SEPTIN9: variants seen among roughly 807,000 people sequenced by gnomAD.
SEPTIN9 encodes septin 9.
In SEPTIN9, 13 loss-of-function variants were observed where a neutral mutation model predicts 56.6. The observed-to-expected ratio is 0.23, with a 90% CI of 0.15 to 0.37. The LOEUF is 0.37. Among genes scored for constraint, SEPTIN9 ranks in the 10% least tolerant of loss-of-function variants. The pLI is 1.00. For missense variants in SEPTIN9, 650 were observed against 823.1 expected (o/e 0.79, Z 2.57); for synonymous variants, 332 against 334.1 (o/e 0.99, Z 0.07).
chr17:77,312,569 A>G (rs949309157), intron 2 of SEPTIN9, among the ~76,000 whole-genome samples: 7 of 152,204 alleles, frequency 4.6e-5, no homozygotes, highest in African/African-American at 1.7e-4. Flanking sequence ...TGTGTCCTCC[A>G]TAGCCTCGGA....
chr17:77,363,376 T>G (rs865926126), intron 2 of SEPTIN9, among the ~76,000 whole-genome samples: 2 of 130,552 alleles, frequency 1.5e-5, no homozygotes, highest in Non-Finnish European at 3.2e-5. Context: ...GCCTTGGGCC[T>G]GTCTTTTTTT....
chr17:77,360,463 G>T (rs1180005183), intron 2 of SEPTIN9, among the ~76,000 whole-genome samples: 1 of 152,188 alleles, frequency 6.6e-6, no homozygotes, highest in African/African-American at 2.4e-5. Context: ...ATTTGCCACA[G>T]TGGGTGTGTT....
At chr17:77,288,029 C>T (rs768501012) in intron 1 of SEPTIN9, 23 of 1,061,986 alleles carry the variant, frequency 2.2e-5, no homozygotes, top group Non-Finnish European at 2.6e-5. Flanking sequence ...GGCCACTCTG[C>T]CCTGAGTGTG....
intron 3 of SEPTIN9, among the ~76,000 whole-genome samples, chr17:77,470,038 TTCAC>T (rs1176611049): frequency 6.9e-6 from 1 of 145,324 alleles, no homozygotes; most frequent in East Asian, 2.2e-4. Context: ...TATCCACTCA[TTCAC>T]TCATTCACTC....
chr17:77,364,386 ACCT>A (rs2034510701), intron 2 of SEPTIN9, among the ~76,000 whole-genome samples: 2 of 152,150 alleles, frequency 1.3e-5, no homozygotes, highest in Non-Finnish European at 2.9e-5. Context: ...GTGACATAAA[ACCT>A]TCTGTCGATT....
At chr17:77,281,860 C>A (rs1432201844) in intron 1 of SEPTIN9, 3 of 428,166 alleles carry the variant, frequency 7.0e-6, no homozygotes, top group African/African-American at 6.3e-5. Context: ...CGGCCGGGTG[C>A]TTTGGGTCCC....
Position 77,389,808 on chromosome 17 carries a change from A to G in SEPTIN9, c.77-12251A>G, listed in dbSNP as rs371183909. On this transcript the variant is annotated intron_variant, in intron 2 of 11. Transcript: ENST00000427177. This position sits in a 1 kb window ranked among gnomAD's most constrained non-coding sequence, Gnocchi z 4.3. ...TGCGGCTTCCGCCCATTTCCCCTCAATCTGCTCCTAGTGGAGCAGCCAGCA... is the reference window on the plus strand; with the variant it reads ...TGCGGCTTCCGCCCATTTCCCCTCAGTCTGCTCCTAGTGGAGCAGCCAGCA... Among the ~76,000 whole-genome samples, 112 of 151,766 alleles carry G rather than the reference A, an allele frequency of 7.4e-4. 3 individuals are homozygous for G. The highest frequency in any genetic ancestry group is 2.7e-3 in the South Asian group (13 of 4,794).
At chr17:77,370,462 T>C (rs1222947937) in intron 2 of SEPTIN9, among the ~76,000 whole-genome samples, 1 of 152,234 alleles carries the variant, frequency 6.6e-6, no homozygotes, top group Admixed American at 6.5e-5. Flanking sequence ...AAATTCTTTC[T>C]GCAGAGACCC....
rs574431589 is a variant in SEPTIN9 at position 77,408,449 on chromosome 17, C to CCA, written c.721+5747_721+5748insAC. The stretch of plus-strand genomic sequence containing the variant: ...CGTTGAGGGAGCAGGGGGTCAGGCC[C>CCA]CCCCGAGCTGATGATGGTGGGCGTG... On this transcript the variant is annotated intron_variant, in intron 3 of 11. Transcript: ENST00000427177. Among the ~76,000 whole-genome samples, 47 of 152,282 alleles carry CCA rather than the reference C, an allele frequency of 3.1e-4. No homozygotes were observed. The East Asian group carries it at 7.2e-3, about 23-fold the overall frequency.
In SEPTIN9 at chr17:77,317,562, A is replaced by G. The variant is rs1187402443; in HGVS notation, c.76+10365A>G. ...TGATGATCTGTCACCGTCTCCCATC[A>G]CCACCAGATGGGACCGTCTGGTTGC... On this transcript the variant is annotated intron_variant, in intron 2 of 11. Coordinates refer to ENST00000427177, the MANE Select transcript of SEPTIN9 (RefSeq NM_001113491.2). This position sits in a 1 kb window ranked among gnomAD's most constrained non-coding sequence, Gnocchi z 4.2. 3.3e-5 allele frequency among the ~76,000 whole-genome samples: 5 copies of G among 152,090 alleles called. No homozygotes were observed. Among genetic ancestry groups the G allele is most frequent in the East Asian group, 1.9e-4 (1 of 5,188 alleles).
intron 2 of SEPTIN9, chr17:77,376,339 G>A (rs1264190520): frequency 5.1e-6 from 5 of 985,602 alleles, no homozygotes; most frequent in African/African-American, 3.5e-5. Context: ...CAGGAGCAGC[G>A]CCGTGGGAGC....
intron 2 of SEPTIN9, among the ~76,000 whole-genome samples, chr17:77,398,342 C>T (rs928388216): frequency 4.6e-5 from 7 of 152,192 alleles, no homozygotes; most frequent in African/African-American, 1.2e-4. Flanking sequence ...GAACATTCAA[C>T]TCTGTTCCCG....
Position 77,330,844 on chromosome 17 carries a change from G to C in SEPTIN9, c.76+23647G>C, listed in dbSNP as rs1315399303. Among the ~76,000 whole-genome samples the C allele has an allele frequency of 6.6e-6, 1 of 152,200 alleles. No homozygotes were observed. Among genetic ancestry groups the C allele is most frequent in the Non-Finnish European group, 1.5e-5 (1 of 68,036 alleles). The stretch of plus-strand genomic sequence containing the variant: ...CTGTCTCCTTCACTGTCCCTGCCTG[G>C]CCCCAGTGCTCATGTGGCTTGTGGC... On this transcript the variant is annotated intron_variant, in intron 2 of 11. Transcript: ENST00000427177. The surrounding 1 kb of genome is among the most constrained non-coding windows in gnomAD (Gnocchi z 4.4).
In SEPTIN9 at chr17:77,498,038, C is replaced by T. The variant is rs59111181; in HGVS notation, c.1626-485C>T. Among the ~76,000 whole-genome samples the T allele has an allele frequency of 8.9e-3, 1,348 of 152,096 alleles. 22 individuals carry two copies. The highest frequency in any genetic ancestry group is 0.03 in the African/African-American group (1,240 of 41,498). ...CCTGAGCTGCAGAGGAATGAAAATC[C>T]GAGCCCAGGACTTTTTTTTCCTGGG... On this transcript the variant is annotated intron_variant, in intron 11 of 11. Coordinates refer to ENST00000427177, the MANE Select transcript of SEPTIN9 (RefSeq NM_001113491.2).
At position 77,475,507 on chromosome 17, in the gene SEPTIN9, T is replaced by C; in HGVS notation, c.722-6637T>C. On this transcript the variant is annotated intron_variant, in intron 3 of 11. Coordinates refer to ENST00000427177, the MANE Select transcript of SEPTIN9 (RefSeq NM_001113491.2). This position sits in a 1 kb window ranked among gnomAD's most constrained non-coding sequence, Gnocchi z 4.6. ...GGAGCATCTGTTAGTTTATAGGACCTGAAGTGCCCCCATGGGCTCAAGTTT... is the reference window on the plus strand; with the variant it reads ...GGAGCATCTGTTAGTTTATAGGACCCGAAGTGCCCCCATGGGCTCAAGTTT... 1 of 1,608,810 alleles carries C rather than the reference T, an allele frequency of 6.2e-7. No individual in the cohort carries two copies. The highest frequency in any genetic ancestry group is 1.3e-5 in the African/African-American group (1 of 74,800).
At chr17:77,307,958 C>T (rs2032335394) in intron 2 of SEPTIN9, among the ~76,000 whole-genome samples, 1 of 152,200 alleles carries the variant, frequency 6.6e-6, no homozygotes, top group South Asian at 2.1e-4. Context: ...CCTGCCTGAC[C>T]CCAGTGTGGC....
At position 77,326,909 on chromosome 17, in the gene SEPTIN9, A is replaced by G. The variant is rs560355063; in HGVS notation, c.76+19712A>G. Among the ~76,000 whole-genome samples, 1 of 152,122 alleles carries G rather than the reference A, an allele frequency of 6.6e-6. No homozygotes were observed. The highest frequency in any genetic ancestry group is 1.9e-4 in the East Asian group (1 of 5,170). On this transcript the variant is annotated intron_variant, in intron 2 of 11. Coordinates refer to ENST00000427177, the MANE Select transcript of SEPTIN9 (RefSeq NM_001113491.2). The surrounding 1 kb of genome is among the most constrained non-coding windows in gnomAD (Gnocchi z 5.1). Reference sequence around the variant, plus strand: ...AGGATGGGGTTCCGGGAGCTTCTGGATGGATGAGCATGTGGAGGCTCCTGG... The same window carrying G: ...AGGATGGGGTTCCGGGAGCTTCTGGGTGGATGAGCATGTGGAGGCTCCTGG...
At chr17:77,388,442 C>T (rs996336160) in intron 2 of SEPTIN9, among the ~76,000 whole-genome samples, 7 of 152,236 alleles carry the variant, frequency 4.6e-5, no homozygotes, top group African/African-American at 1.7e-4. Flanking sequence ...AGACCAGGTC[C>T]TCCTCACCCT....
Position 77,319,579 on chromosome 17 carries a change from G to A in SEPTIN9, c.76+12382G>A. 9.4e-7 allele frequency: 1 copy of A among 1,059,136 alleles called. No homozygotes were observed. The highest frequency in any genetic ancestry group is 1.1e-6 in the Non-Finnish European group (1 of 875,476). The allele number at this position is 1,059,136 out of a possible 1,614,324, so 65.6% of individuals were successfully genotyped here. A position where few individuals can be genotyped will look rare whatever the true frequency, so the allele number is the denominator to read the frequency against. ...ACTTCTCAGGGTTCCTCCTGGGCAGGTGCTCCGGAACCTTTTCTCAGCACG... is the reference window on the plus strand; with the variant it reads ...ACTTCTCAGGGTTCCTCCTGGGCAGATGCTCCGGAACCTTTTCTCAGCACG... On this transcript the variant is annotated intron_variant, in intron 2 of 11. Transcript: ENST00000427177. This position sits in a 1 kb window ranked among gnomAD's most constrained non-coding sequence, Gnocchi z 5.3.
Sources: gnomAD v4.1 joint callset for allele counts (sites outside exome capture counted in the v4.1 genomes callset) on GRCh38, gnomAD v4.1.1 for gene constraint, Gnocchi (gnomAD v3.1) non-coding constraint, MANE v1.5 for transcripts, NCBI Gene and HGNC (gene_info 2026-07-23, HGNC 2026-07-21) for gene names.